The following SYNPR variants were observed in gnomAD, a reference collection of about 807,000 sequenced individuals.
The protein encoded by SYNPR is synaptoporin.
A neutral mutation model predicts 32.9 loss-of-function variants in SYNPR; 23 were observed. The ratio of observed to expected loss-of-function variants is 0.70; its 90% CI spans 0.50 to 0.99. The LOEUF is 0.99. Ranked by LOEUF, SYNPR falls within the 50% of genes least tolerant of loss-of-function variation. The pLI is 0.00. For synonymous variants in SYNPR, 146 were observed against 135.9 expected, an observed-to-expected ratio of 1.07 and a Z score of -0.52; for missense variants, 318 against 349.3, an observed-to-expected ratio of 0.91 and a Z score of 0.71.
In SYNPR at chr3:63,306,446, C is replaced by T. The variant is rs539444417; in HGVS notation, c.84+27704C>T. Among the ~76,000 whole-genome samples the T allele has an allele frequency of 5.3e-5, 8 of 151,962 alleles. 1 individual carries two copies. The South Asian group carries it at 1.0e-3, about 20-fold the overall frequency. ...CTAAGGCAGGTGGCTTCTTTTCTGA[C>T]AGCTCTTTCACCAGCAGAGCCTACT... On this transcript the variant is annotated intron_variant, in intron 2 of 5. Coordinates refer to ENST00000478300, the MANE Select transcript of SYNPR (RefSeq NM_001130003.2).
chr3:63,436,164 G>C (rs1040538647), intron 2 of SYNPR, among the ~76,000 whole-genome samples: 2 of 151,862 alleles, frequency 1.3e-5, no homozygotes, highest in Non-Finnish European at 2.9e-5. Flanking sequence ...TTCCTATTGA[G>C]GACGTGAGCC....
chr3:63,516,178 G>C (rs1275085978), intron 3 of SYNPR, among the ~76,000 whole-genome samples: 1 of 152,060 alleles, frequency 6.6e-6, no homozygotes, highest in Non-Finnish European at 1.5e-5. Flanking sequence ...AAAATACCCA[G>C]AACATTGTGC....
intron 5 of SYNPR, among the ~76,000 whole-genome samples, chr3:63,614,949 A>G (rs1319909600): frequency 6.6e-6 from 1 of 152,230 alleles, no homozygotes; most frequent in African/African-American, 2.4e-5. Flanking sequence ...CACATCTTTA[A>G]TGTGGGTATG....
intron 2 of SYNPR, among the ~76,000 whole-genome samples, chr3:63,411,417 A>G (rs1174020153): frequency 1.3e-5 from 2 of 152,168 alleles, no homozygotes; most frequent in Non-Finnish European, 1.5e-5. Flanking sequence ...AATAATGGGT[A>G]AGTCAGGCAT....
intron 2 of SYNPR, among the ~76,000 whole-genome samples, chr3:63,454,007 T>G (rs1016693857): frequency 1.3e-5 from 2 of 152,154 alleles, no homozygotes; most frequent in African/African-American, 4.8e-5. Context: ...AATGTTTAAT[T>G]TAATTTAGCA....
chr3:63,223,201 C>T, the SYNPR span, among the ~76,000 whole-genome samples: 2 of 151,914 alleles, frequency 1.3e-5, no homozygotes, highest in African/African-American at 4.8e-5. Flanking sequence ...TGTTTAAATA[C>T]CCAGTGATTA....
intron 2 of SYNPR, among the ~76,000 whole-genome samples, chr3:63,306,282 T>C (rs184972481): frequency 1.3e-5 from 2 of 151,922 alleles, no homozygotes; most frequent in African/African-American, 4.8e-5. Flanking sequence ...AACAAAGCCT[T>C]TGGGGAAAGG....
intron 4 of SYNPR, among the ~76,000 whole-genome samples, chr3:63,572,925 T>C (rs957395046): frequency 1.3e-5 from 2 of 152,084 alleles, no homozygotes; most frequent in African/African-American, 4.8e-5. Context: ...GAGGTTTGTG[T>C]GTGTGTGTGT....
chr3:63,247,125 T>C (rs1005370533), intron 1 of SYNPR, among the ~76,000 whole-genome samples: 3 of 152,034 alleles, frequency 2.0e-5, no homozygotes, highest in African/African-American at 7.2e-5. Context: ...GTTCAATAAA[T>C]GTTAGCTATT....
At chr3:63,349,249 C>A (rs540632481) in intron 2 of SYNPR, among the ~76,000 whole-genome samples, 2 of 152,096 alleles carry the variant, frequency 1.3e-5, no homozygotes, top group East Asian at 3.9e-4. Flanking sequence ...ATTACAGGCA[C>A]GCGCCACCAC....
intron 2 of SYNPR, among the ~76,000 whole-genome samples, chr3:63,455,756 G>GGTGTGTGTGTGTGT (rs370244005): frequency 0.11 from 15,866 of 144,120 alleles, 945 homozygotes; most frequent in African/African-American, 0.14. Flanking sequence ...TCATGTTTGG[G>GGTGTGTGTGTGTGT]GTGTGTGTGT....
chr3:63,235,030 G>C (rs939421837), intron 1 of SYNPR, among the ~76,000 whole-genome samples: 3 of 152,158 alleles, frequency 2.0e-5, no homozygotes, highest in African/African-American at 7.2e-5. Flanking sequence ...TCAGGACACT[G>C]ATATTGATAC....
Position 63,557,852 on chromosome 3 carries a change from T to A in SYNPR, c.408+1111T>A, listed in dbSNP as rs147727889. 2.0e-5 allele frequency among the ~76,000 whole-genome samples: 3 copies of A among 152,322 alleles called. No individual in the cohort carries two copies. In the East Asian group the frequency reaches 5.8e-4, roughly 29 times the overall value. Reference sequence around the variant, plus strand: ...CATGTACTATTCTATAAATAAATAATGTTTATCAAAAAAAGTATATATTAA... The same window carrying A: ...CATGTACTATTCTATAAATAAATAAAGTTTATCAAAAAAAGTATATATTAA... On this transcript the variant is annotated intron_variant, in intron 4 of 5. Transcript: ENST00000478300.
intron 1 of SYNPR, among the ~76,000 whole-genome samples, chr3:63,231,965 T>C (rs1289239006): frequency 6.6e-6 from 1 of 152,154 alleles, no homozygotes; most frequent in Non-Finnish European, 1.5e-5. Flanking sequence ...TGTTTTGTCC[T>C]TACTTGAGAA....
chr3:63,519,548 C>G (rs1160904739), intron 3 of SYNPR, among the ~76,000 whole-genome samples: 1 of 152,196 alleles, frequency 6.6e-6, no homozygotes. Context: ...TCAAGCCCTC[C>G]TTGACCCTCA....
At chr3:63,278,622 C>G (rs1012059091) in intron 1 of SYNPR, 55 bp from the exon 2 acceptor site, 1 of 1,550,230 alleles carries the variant, frequency 6.5e-7, no homozygotes, top group African/African-American at 1.4e-5. Context: ...GGGAGAGGCG[C>G]CCCCAGCCCC....
At chr3:63,285,327 A>G (rs951670658) in intron 2 of SYNPR, among the ~76,000 whole-genome samples, 2 of 152,044 alleles carry the variant, frequency 1.3e-5, no homozygotes, top group African/African-American at 4.8e-5. Context: ...AAAGACTTCG[A>G]TTACAAAGGC....
chr3:63,313,125 T>C (rs1259468977), intron 2 of SYNPR, among the ~76,000 whole-genome samples: 2 of 152,036 alleles, frequency 1.3e-5, no homozygotes, highest in African/African-American at 4.8e-5. Flanking sequence ...GAGTCCCAGA[T>C]ACTGATACCA....
intron 3 of SYNPR, among the ~76,000 whole-genome samples, chr3:63,540,354 G>C (rs540350895): frequency 6.6e-6 from 1 of 152,204 alleles, no homozygotes; most frequent in East Asian, 1.9e-4. Context: ...AGATTTTAAC[G>C]TGAGTAGTCT....
Sources: allele counts gnomAD v4.1 joint callset (sites outside exome capture counted in the v4.1 genomes callset), GRCh38; gene constraint gnomAD v4.1.1; transcripts MANE v1.5; gene names NCBI Gene and HGNC (gene_info 2026-07-23, HGNC 2026-07-21).